Variants in TTC28 observed in about 807,000 individuals in gnomAD.
The protein encoded by TTC28 is tetratricopeptide repeat domain 28.
TTC28 carries 61 observed loss-of-function variants against 198.0 expected under a neutral mutation model. The ratio of observed to expected loss-of-function variants is 0.31; its 90% CI spans 0.25 to 0.38. The LOEUF is 0.38. Ranked by LOEUF, TTC28 falls within the 10% of genes least tolerant of loss-of-function variation. The pLI is 1.00. For synonymous variants in TTC28, 1,171 were observed against 1,297.8 expected (o/e 0.90, Z 2.10); for missense variants, 2,678 against 3,164.0 (o/e 0.85, Z 3.69).
intron 2 of TTC28, among the ~76,000 whole-genome samples, chr22:28,375,535 T>C (rs1307627750): frequency 2.0e-5 from 3 of 152,238 alleles, no homozygotes; most frequent in African/African-American, 7.2e-5. Flanking sequence ...GTTTTAGCCC[T>C]GGTAAAAGTA....
chr22:28,640,458 TAA>T (rs1200582739), intron 1 of TTC28, among the ~76,000 whole-genome samples: 3 of 151,792 alleles, frequency 2.0e-5, no homozygotes, highest in African/African-American at 4.8e-5. Context: ...CTAAAACTGA[TAA>T]GAGACATCAA....
chr22:28,442,122 T>C (rs1269352243), intron 2 of TTC28, among the ~76,000 whole-genome samples: 1 of 152,174 alleles, frequency 6.6e-6, no homozygotes, highest in Non-Finnish European at 1.5e-5. Flanking sequence ...TGGATTTTTT[T>C]TTTTCTTGAG....
chr22:28,572,731 G>A (rs1415733779), intron 2 of TTC28, among the ~76,000 whole-genome samples: 1 of 152,218 alleles, frequency 6.6e-6, no homozygotes, highest in African/African-American at 2.4e-5. Flanking sequence ...GGGAAGAACA[G>A]AGCATCTAAG....
chr22:28,337,699 G>C (rs1386329588), intron 2 of TTC28, among the ~76,000 whole-genome samples: 14 of 152,144 alleles, frequency 9.2e-5, no homozygotes, highest in Middle Eastern at 3.4e-3. Flanking sequence ...CTTGGTAGAT[G>C]TTCCTCCATC....
intron 5 of TTC28, among the ~76,000 whole-genome samples, chr22:28,222,399 C>A (rs1257674450): frequency 6.6e-6 from 1 of 152,270 alleles, no homozygotes; most frequent in Admixed American, 6.5e-5. Context: ...ATTTTAAGTC[C>A]CTATCCTTTT....
rs530008738 is a variant in TTC28, at chr22:28,646,141, G to A, written c.103-16311C>T. Reference sequence around the variant, plus strand: ...GGGAGGAGGTCAAGCTGTCTCTGCCGATGATATGATAGCATACCTGGAGGA... The same window carrying A: ...GGGAGGAGGTCAAGCTGTCTCTGCCAATGATATGATAGCATACCTGGAGGA... On this transcript the variant is annotated intron_variant, in intron 1 of 22. Coordinates refer to ENST00000397906, the MANE Select transcript of TTC28 (RefSeq NM_001145418.2). 1.2e-4 allele frequency among the ~76,000 whole-genome samples: 19 copies of A among 152,238 alleles called. No homozygotes were observed. In the East Asian group the frequency reaches 2.1e-3, roughly 17 times the overall value.
At chr22:27,989,784 CTG>C in intron 21 of TTC28, 92 bp downstream of exon 21, 1 of 1,446,074 alleles carries the variant, frequency 6.9e-7, no homozygotes, top group Non-Finnish European at 9.3e-7. Flanking sequence ...TAAGAAGACA[CTG>C]AGATACTTTG....
intron 1 of TTC28, among the ~76,000 whole-genome samples, chr22:28,654,351 C>T (rs1022105914): frequency 2.0e-5 from 3 of 152,064 alleles, no homozygotes; most frequent in Non-Finnish European, 4.4e-5. Flanking sequence ...TTTTTTGAGG[C>T]GGAGTCTCGC....
At chr22:28,263,791 G>C (rs1345348309) in intron 5 of TTC28, among the ~76,000 whole-genome samples, 1 of 151,884 alleles carries the variant, frequency 6.6e-6, no homozygotes, top group Non-Finnish European at 1.5e-5. Context: ...AAAAGGAGTA[G>C]GGGGTTAGTC....
chr22:28,066,306 T>TG (rs1343817025), intron 12 of TTC28, among the ~76,000 whole-genome samples: 5 of 140,284 alleles, frequency 3.6e-5, no homozygotes, highest in African/African-American at 1.3e-4. Flanking sequence ...GTGTGTGTGG[T>TG]GTGTGTGTGT....
chr22:28,334,515 T>C (rs573465867), intron 2 of TTC28, among the ~76,000 whole-genome samples: 1 of 152,320 alleles, frequency 6.6e-6, no homozygotes, highest in African/African-American at 2.4e-5. Context: ...CAGCACCTGT[T>C]GTTTCCTGAC....
intron 6 of TTC28, among the ~76,000 whole-genome samples, chr22:28,111,840 G>A (rs1251893956): frequency 6.6e-6 from 1 of 152,176 alleles, no homozygotes; most frequent in Non-Finnish European, 1.5e-5. Flanking sequence ...GGCAATTGGA[G>A]GCAACTGTAG....
chr22:28,090,841 TAA>T (rs1232681488), intron 12 of TTC28, among the ~76,000 whole-genome samples: 3 of 152,314 alleles, frequency 2.0e-5, no homozygotes, highest in Admixed American at 1.3e-4. Context: ...ACCATGCCAA[TAA>T]AGTGTTTAAT....
intron 2 of TTC28, among the ~76,000 whole-genome samples, chr22:28,314,666 C>G (rs1169476264): frequency 2.0e-5 from 3 of 152,076 alleles, no homozygotes. Context: ...TGGAGTTGCT[C>G]CTATTCGGCC....
intron 5 of TTC28, among the ~76,000 whole-genome samples, chr22:28,263,141 A>C (rs1931437862): frequency 6.6e-6 from 1 of 152,168 alleles, no homozygotes; most frequent in Non-Finnish European, 1.5e-5. Context: ...GATGAATAAG[A>C]GACAAATGAC....
chr22:28,455,622 G>C (rs562142933), intron 2 of TTC28, among the ~76,000 whole-genome samples: 29 of 151,902 alleles, frequency 1.9e-4, no homozygotes, highest in Non-Finnish European at 3.8e-4. Flanking sequence ...GCTGAGGCAG[G>C]AGAATCACTT....
chr22:28,140,400 T>C (rs1365489776), intron 6 of TTC28, among the ~76,000 whole-genome samples: 2 of 152,198 alleles, frequency 1.3e-5, no homozygotes, highest in African/African-American at 4.8e-5. Context: ...TAAAGAAGCT[T>C]TTAATGTTAC....
chr22:27,985,237 G>T lies in TTC28; in HGVS notation c.5815+12C>A, dbSNP rs1345060274. Reference sequence around the variant, plus strand: ...GCCCTGGTGGAGAACTGGTCTGAGGGCAGGCTCTTACCAAACAGAGACAGC... The same window carrying T: ...GCCCTGGTGGAGAACTGGTCTGAGGTCAGGCTCTTACCAAACAGAGACAGC... On this transcript the variant is annotated intron_variant, in intron 22 of 22. Transcript: ENST00000397906. 6 of 1,545,400 alleles carry T rather than the reference G, an allele frequency of 3.9e-6. No homozygotes were observed. In the East Asian group the frequency reaches 1.2e-4, roughly 32 times the overall value.
At position 28,140,624 on chromosome 22, in the gene TTC28, G is replaced by A. The variant is rs1490120499; in HGVS notation, c.1441+22468C>T. Among the ~76,000 whole-genome samples, 6 of 152,284 alleles carry A rather than the reference G, an allele frequency of 3.9e-5. 1 individual carries two copies. In the East Asian group the frequency reaches 1.2e-3, roughly 29 times the overall value. ...CCAAAAAAGAGTTTCATGGGACTGTGGGCATTTCACATAGTTAGGCTATCC... is the reference window on the plus strand; with the variant it reads ...CCAAAAAAGAGTTTCATGGGACTGTAGGCATTTCACATAGTTAGGCTATCC... On this transcript the variant is annotated intron_variant, in intron 6 of 22. Coordinates refer to ENST00000397906, the MANE Select transcript of TTC28 (RefSeq NM_001145418.2).
Sources: gnomAD v4.1 joint callset for allele counts (sites outside exome capture counted in the v4.1 genomes callset) on GRCh38, gnomAD v4.1.1 for gene constraint, MANE v1.5 for transcripts, NCBI Gene and HGNC (gene_info 2026-07-23, HGNC 2026-07-21) for gene names.